FA2H: variants seen among roughly 807,000 people sequenced by gnomAD.
The protein encoded by FA2H is fatty acid alpha-hydroxylase.
Under a neutral mutation model 44.9 loss-of-function variants are expected in FA2H, and 22 were observed. The observed-to-expected ratio is 0.49, with a 90% CI of 0.35 to 0.70. The LOEUF is 0.70. FA2H is among the 30% of genes least tolerant of loss of function. FA2H has a pLI of 0.01. For missense variants in FA2H, 501 were observed against 504.9 expected (o/e 0.99, Z 0.07); for synonymous variants, 243 against 213.2 (o/e 1.14, Z -1.22).
chr16:74,736,347 G>A (rs1962180139), intron 2 of FA2H, among the ~76,000 whole-genome samples: 3 of 152,172 alleles, frequency 2.0e-5, no homozygotes, highest in Admixed American at 2.0e-4. Context: ...GACCCAAGGC[G>A]ACTAGGCAGG....
rs781362098 is a variant in FA2H at position 74,716,530 on chromosome 16, A to G, written c.856T>C (p.Leu286=). 3.1e-6 allele frequency: 5 copies of G among 1,611,692 alleles called. No individual in the cohort carries two copies. Among genetic ancestry groups the G allele is most frequent in the African/African-American group, 2.7e-5 (2 of 74,794 alleles). ...PASLVIGVFY[L]CMQLILPEAV... ...TCGGGCAGGATGAGCTGCATGCACA[A>G]GTAGAAGACGCCGATCACCAGGGAG... Residue 286 remains leucine (L), a synonymous_variant, in exon 6 of 7, where the codon TTG becomes CTG. Transcript: ENST00000219368.
chr16:74,743,219 C>A (rs1962347815), intron 1 of FA2H, among the ~76,000 whole-genome samples: 1 of 152,198 alleles, frequency 6.6e-6, no homozygotes, highest in South Asian at 2.1e-4. Flanking sequence ...GCATTAACTA[C>A]ACATAATTGT....
chr16:74,768,235 G>C (rs1384647831), intron 1 of FA2H, among the ~76,000 whole-genome samples: 4 of 152,182 alleles, frequency 2.6e-5, no homozygotes, highest in Non-Finnish European at 5.9e-5. Flanking sequence ...ATTTCCTCCA[G>C]AGAATCCTAA....
At chr16:74,729,492 G>C (rs1278996724) in intron 2 of FA2H, among the ~76,000 whole-genome samples, 2 of 152,362 alleles carry the variant, frequency 1.3e-5, no homozygotes, top group Middle Eastern at 3.4e-3. Context: ...CAGACTGTGA[G>C]AGTACATTAA....
chr16:74,745,130 T>C (rs1962394198), intron 1 of FA2H, among the ~76,000 whole-genome samples: 1 of 152,186 alleles, frequency 6.6e-6, no homozygotes, highest in South Asian at 2.1e-4. Context: ...CCTCCAGGCC[T>C]CTCTGCCTTG....
intron 4 of FA2H, among the ~76,000 whole-genome samples, chr16:74,724,622 A>T (rs1961912092): frequency 1.3e-5 from 2 of 152,198 alleles, no homozygotes; most frequent in South Asian, 4.1e-4. Flanking sequence ...TGTGCCTTGC[A>T]TGACAAGCTG....
intron 1 of FA2H, among the ~76,000 whole-genome samples, chr16:74,773,971 C>A (rs1200639901): frequency 6.6e-6 from 1 of 152,148 alleles, no homozygotes; most frequent in African/African-American, 2.4e-5. Flanking sequence ...AAGGCCAGGG[C>A]GGCACCAGGA....
In FA2H at chr16:74,724,282, GC is replaced by G. The variant is rs1195303941; in HGVS notation, c.613+1942del. ...AGACTAAGGTCCTGGCCTCTGCCGG[GC>G]CCCGCACACCACCCCACTGGAAGCC... On this transcript the variant is annotated intron_variant, in intron 4 of 6. Coordinates refer to ENST00000219368, the MANE Select transcript of FA2H (RefSeq NM_024306.5). 2.0e-5 allele frequency among the ~76,000 whole-genome samples: 3 copies of G among 152,112 alleles called. No homozygotes were observed. The East Asian group carries it at 5.8e-4, about 29-fold the overall frequency.
intron 2 of FA2H, among the ~76,000 whole-genome samples, chr16:74,729,020 T>C (rs1242143673): frequency 7.5e-6 from 1 of 133,362 alleles, no homozygotes; most frequent in Non-Finnish European, 1.6e-5. Flanking sequence ...TTTTTTTTTT[T>C]TTTTTTTTTG....
chr16:74,761,863 A>G (rs1360439664), intron 1 of FA2H, among the ~76,000 whole-genome samples: 1 of 152,250 alleles, frequency 6.6e-6, no homozygotes, highest in Non-Finnish European at 1.5e-5. Flanking sequence ...CCATTGCCAA[A>G]TAAGGAGGCC....
chr16:74,732,379 C>A (rs1962089437), intron 2 of FA2H, among the ~76,000 whole-genome samples: 3 of 152,260 alleles, frequency 2.0e-5, no homozygotes, highest in African/African-American at 7.2e-5. Context: ...ATCTATTGAT[C>A]TATTTTGTCT....
At chr16:74,735,051 T>C (rs1461462195) in intron 2 of FA2H, among the ~76,000 whole-genome samples, 1 of 152,208 alleles carries the variant, frequency 6.6e-6, no homozygotes, top group Non-Finnish European at 1.5e-5. Flanking sequence ...CTATCCTTCA[T>C]GAGCCTTAAT....
chr16:74,737,003 T>C (rs1252954511), intron 2 of FA2H, among the ~76,000 whole-genome samples: 3 of 152,184 alleles, frequency 2.0e-5, no homozygotes, highest in African/African-American at 7.2e-5. Context: ...CAATAATACA[T>C]TGAAAGCGGC....
chr16:74,768,862 G>A (rs879854807), intron 1 of FA2H, among the ~76,000 whole-genome samples: 13 of 151,918 alleles, frequency 8.6e-5, no homozygotes, highest in Admixed American at 7.9e-4. Context: ...ACATGGCATC[G>A]AGACCTTCAC....
At position 74,774,687 on chromosome 16, in the gene FA2H, G is replaced by A; in HGVS notation, c.69C>T (p.Gly23=). 1.4e-6 allele frequency: 2 copies of A among 1,388,924 alleles called. No homozygotes were observed. The highest frequency in any genetic ancestry group is 1.7e-5 in the South Asian group (1 of 59,406). 86.0% of individuals were successfully genotyped at this position (1,388,924 alleles called of 1,614,324 possible). A position where few individuals can be genotyped will look rare whatever the true frequency, so the allele number is the denominator to read the frequency against. The part of the protein sequence containing the change: ...PSEVQRRLAA[G]ACWVRRGARL... ...GGGCCCCGCGGCGGACCCAGCACGC[G>A]CCGGCCGCCAGGCGCCGCTGGACCT... Residue 23 remains glycine (G), a synonymous_variant, in exon 1 of 7, where the codon GGC becomes GGT. Transcript: ENST00000219368.
chr16:74,763,581 C>T (rs553721005), intron 1 of FA2H, among the ~76,000 whole-genome samples: 1 of 152,284 alleles, frequency 6.6e-6, no homozygotes, highest in South Asian at 2.1e-4. Context: ...CTAAAACCAG[C>T]CATTTCTAGA....
chr16:74,754,289 G>A (rs977263226), intron 1 of FA2H, among the ~76,000 whole-genome samples: 1 of 152,138 alleles, frequency 6.6e-6, no homozygotes, highest in African/African-American at 2.4e-5. Flanking sequence ...CCAGCTATGT[G>A]GGAGGCTGAG....
At chr16:74,729,553 T>C (rs374496355) in intron 2 of FA2H, among the ~76,000 whole-genome samples, 1 of 152,336 alleles carries the variant, frequency 6.6e-6, no homozygotes, top group African/African-American at 2.4e-5. Flanking sequence ...ATGGAGAGTG[T>C]GTGCAGAAAG....
rs1443602320 is a variant in FA2H at position 74,716,586 on chromosome 16, C to A, written c.800G>T (p.Gly267Val). The A allele has an allele frequency of 6.4e-7, 1 of 1,568,392 alleles. No individual in the cohort carries two copies. Residue 267 changes from glycine to valine, a missense_variant, in exon 6 of 7, where the codon GGC (glycine) becomes GTC (valine). Gly to Val is a moderately radical substitution (Grantham distance 109, BLOSUM62 -3). Transcript: ENST00000219368. ...CACAGGGGGGAAGACCAGGCGGGAG[C>A]CGTCGAAGGGTGCCTGCAGATGGAG... Reference protein sequence around the residue: ...HGQHHKAPFDGSRLVFPPVPA... With the variant: ...HGQHHKAPFDVSRLVFPPVPA...
Sources: gnomAD v4.1 joint callset for allele counts (sites outside exome capture counted in the v4.1 genomes callset) on GRCh38, gnomAD v4.1.1 for gene constraint, MANE v1.5 for transcripts, NCBI Gene and HGNC (gene_info 2026-07-23, HGNC 2026-07-21) for gene names.